Variants in RIT2 observed in about 807,000 individuals in gnomAD.
The protein encoded by RIT2 is Ras like without CAAX 2.
Under a neutral mutation model 23.7 loss-of-function variants are expected in RIT2, and 24 were observed. The observed-to-expected ratio is 1.01, with a 90% confidence interval of 0.73 to 1.43. The LOEUF (loss-of-function observed/expected upper bound fraction) is 1.43, where lower values mean the gene tolerates loss of function less well. Ranked by LOEUF, RIT2 falls within the 40% of genes most tolerant of loss-of-function variation. The pLI is 0.00. For missense variants in RIT2, 236 were observed against 266.9 expected, an observed-to-expected ratio of 0.88 and a Z score of 0.81; for synonymous variants, 107 against 91.1, an observed-to-expected ratio of 1.17 and a Z score of -0.99.
intron 4 of RIT2, among the ~76,000 whole-genome samples, chr18:42,886,215 T>G (rs4890415): frequency 3.3e-5 from 5 of 152,190 alleles, no homozygotes; most frequent in Admixed American, 6.5e-5. Flanking sequence ...GAGTTTTAAA[T>G]TTGCTTCCTA....
chr18:42,758,208 AG>A (rs1200512025), intron 4 of RIT2, among the ~76,000 whole-genome samples: 1 of 152,102 alleles, frequency 6.6e-6, no homozygotes, highest in East Asian at 1.9e-4. Context: ...GGAAAGGATT[AG>A]AAAAAAAAAG....
At chr18:42,906,717 A>G (rs1908632172) in intron 4 of RIT2, among the ~76,000 whole-genome samples, 1 of 152,214 alleles carries the variant, frequency 6.6e-6, no homozygotes, top group South Asian at 2.1e-4. Context: ...ATTAATTGCC[A>G]TTTATGGAAC....
At chr18:43,018,894 G>A (rs1408687714) in intron 2 of RIT2, among the ~76,000 whole-genome samples, 2 of 151,246 alleles carry the variant, frequency 1.3e-5, no homozygotes, top group East Asian at 3.9e-4. Flanking sequence ...CATAAATAAG[G>A]AAAATAAAGA....
At chr18:43,091,106 T>G (rs180889352) in intron 1 of RIT2, among the ~76,000 whole-genome samples, 1,580 of 152,080 alleles carry the variant, frequency 0.01, 30 homozygotes, top group African/African-American at 0.035. Flanking sequence ...TTTGTCCTCC[T>G]GAATTTTAAA....
At chr18:42,913,671 T>G (rs1305264507) in intron 4 of RIT2, among the ~76,000 whole-genome samples, 2 of 151,988 alleles carry the variant, frequency 1.3e-5, no homozygotes, top group East Asian at 1.9e-4. Flanking sequence ...CAAGTTGGGT[T>G]CATAGAAAGA....
intron 3 of RIT2, among the ~76,000 whole-genome samples, chr18:42,929,032 G>GAGATATATATATATATATATATAT (rs1909255007): frequency 6.2e-5 from 1 of 16,066 alleles, no homozygotes; most frequent in South Asian, 2.2e-3. Flanking sequence ...CTAAAATATG[G>GAGATATATATATATATATATATAT]AGATATATAT....
chr18:42,824,568 G>A (rs1340640712), intron 4 of RIT2, among the ~76,000 whole-genome samples: 1 of 151,946 alleles, frequency 6.6e-6, no homozygotes, highest in Non-Finnish European at 1.5e-5. Context: ...AAGCTGAAGA[G>A]ATAATAACTG....
chr18:42,960,117 A>T (rs913471773), intron 3 of RIT2, among the ~76,000 whole-genome samples: 1 of 152,198 alleles, frequency 6.6e-6, no homozygotes, highest in South Asian at 2.1e-4. Context: ...ATTCCCAAGG[A>T]CACAGGATCT....
chr18:42,765,288 A>G (rs1263232219), intron 4 of RIT2, among the ~76,000 whole-genome samples: 4 of 152,238 alleles, frequency 2.6e-5, no homozygotes, highest in Non-Finnish European at 5.9e-5. Flanking sequence ...CAAATGACTC[A>G]ATTCATGGAC....
chr18:42,992,613 C>A (rs997168141), intron 2 of RIT2, among the ~76,000 whole-genome samples: 1 of 152,124 alleles, frequency 6.6e-6, no homozygotes, highest in African/African-American at 2.4e-5. Context: ...CCTTTTATCA[C>A]CTCCCCTCCT....
chr18:43,070,298 A>G (rs748150020), intron 1 of RIT2, among the ~76,000 whole-genome samples: 9 of 152,342 alleles, frequency 5.9e-5, no homozygotes, highest in Non-Finnish European at 1.3e-4. Context: ...TTAAGAATGT[A>G]AAGGAAAGCT....
chr18:42,791,229 A>G (rs1914036238), intron 4 of RIT2, among the ~76,000 whole-genome samples: 1 of 152,188 alleles, frequency 6.6e-6, no homozygotes, highest in South Asian at 2.1e-4. Flanking sequence ...TTTTTATTCC[A>G]TATGTTTTCA....
At chr18:42,827,005 C>T (rs1241882939) in intron 4 of RIT2, among the ~76,000 whole-genome samples, 2 of 152,052 alleles carry the variant, frequency 1.3e-5, no homozygotes, top group Admixed American at 6.6e-5. Flanking sequence ...AAATATATGT[C>T]AGTTCTCTAA....
chr18:42,905,589 C>G (rs1908590614), intron 4 of RIT2, among the ~76,000 whole-genome samples: 1 of 152,146 alleles, frequency 6.6e-6, no homozygotes, highest in Admixed American at 6.5e-5. Context: ...TCTCCTGCCT[C>G]AGTCTCCCAA....
chr18:43,062,603 G>A (rs1247917048), intron 1 of RIT2, among the ~76,000 whole-genome samples: 1 of 152,144 alleles, frequency 6.6e-6, no homozygotes, highest in African/African-American at 2.4e-5. Context: ...TTTGTCTTCA[G>A]AAGAACCGCT....
intron 3 of RIT2, chr18:42,948,955 C>G (rs375097977): frequency 7.5e-6 from 3 of 397,472 alleles, no homozygotes; most frequent in African/African-American, 6.2e-5. Flanking sequence ...CAACTCTGCT[C>G]TTGTTAAAGC....
intron 4 of RIT2, among the ~76,000 whole-genome samples, chr18:42,889,486 CAT>C (rs1490655107): frequency 1.3e-5 from 2 of 151,984 alleles, no homozygotes; most frequent in Non-Finnish European, 2.9e-5. Flanking sequence ...TATTCAATAT[CAT>C]AGATATTTAA....
intron 1 of RIT2, among the ~76,000 whole-genome samples, chr18:43,107,046 A>G (rs886883813): frequency 6.6e-6 from 1 of 152,192 alleles, no homozygotes; most frequent in Non-Finnish European, 1.5e-5. Context: ...CCGTCTGTCA[A>G]TGTGTACAGT....
At chr18:43,101,210 T>C (rs567910367) in intron 1 of RIT2, among the ~76,000 whole-genome samples, 2 of 152,250 alleles carry the variant, frequency 1.3e-5, no homozygotes, top group South Asian at 2.1e-4. Context: ...TGAGTATATA[T>C]AGCTAAGAGT....
Sources: gnomAD v4.1 joint callset for allele counts (sites outside exome capture counted in the v4.1 genomes callset) on GRCh38, gnomAD v4.1.1 for gene constraint, MANE v1.5 for transcripts, NCBI Gene and HGNC (gene_info 2026-07-23, HGNC 2026-07-21) for gene names.